The following TTC28 variants were observed in gnomAD, a reference collection of about 807,000 sequenced individuals.
TTC28 encodes the protein tetratricopeptide repeat protein 28.
Under a neutral mutation model 198.0 loss-of-function variants are expected in TTC28, and 61 were observed. That is an observed-to-expected ratio of 0.31 (90% confidence interval 0.25 to 0.38). TTC28 has a LOEUF of 0.38. Ranked by LOEUF, TTC28 falls within the 10% of genes least tolerant of loss-of-function variation. The pLI, the probability that TTC28 is intolerant of heterozygous loss-of-function variation, is 1.00. For synonymous variants in TTC28, 1,171 were observed against 1,297.8 expected, an observed-to-expected ratio of 0.90 and a Z score of 2.10; for missense variants, 2,678 against 3,164.0, an observed-to-expected ratio of 0.85 and a Z score of 3.69.
chr22:28,505,366 G>GT (rs1388385625), intron 2 of TTC28, among the ~76,000 whole-genome samples: 2 of 152,122 alleles, frequency 1.3e-5, no homozygotes, highest in Non-Finnish European at 2.9e-5. Flanking sequence ...AAAGTGGCGA[G>GT]TGAGTTCAGC....
chr22:28,395,578 G>C (rs2046801593), intron 2 of TTC28, among the ~76,000 whole-genome samples: 1 of 145,034 alleles, frequency 6.9e-6, no homozygotes, highest in African/African-American at 2.6e-5. Context: ...CTTGCAGTGA[G>C]CACTCCAGCC....
chr22:28,080,644 A>C (rs946153766), intron 12 of TTC28, among the ~76,000 whole-genome samples: 1 of 152,112 alleles, frequency 6.6e-6, no homozygotes, highest in Non-Finnish European at 1.5e-5. Context: ...GCCTTTTCAA[A>C]ATGTTAATTA....
intron 5 of TTC28, among the ~76,000 whole-genome samples, chr22:28,183,884 G>A (rs1428784129): frequency 1.3e-5 from 2 of 152,098 alleles, no homozygotes; most frequent in Non-Finnish European, 2.9e-5. Flanking sequence ...ATAGTACTAT[G>A]CTCTTTAAAA....
At chr22:28,047,185 C>T (rs1419838216) in intron 12 of TTC28, among the ~76,000 whole-genome samples, 1 of 152,174 alleles carries the variant, frequency 6.6e-6, no homozygotes, top group Non-Finnish European at 1.5e-5. Flanking sequence ...ACAGGGGATA[C>T]CACTCAGAGA....
Position 27,999,074 on chromosome 22 carries a change from T to A in TTC28, c.4585A>T (p.Thr1529Ser). The change falls in exon 16 of 23, where the codon ACC becomes TCC. Residue 1529 changes from threonine to serine, a missense_variant. Thr to Ser is a moderately conservative substitution (Grantham distance 58). Transcript: ENST00000397906. ...AGGGCACTCATGACCCTCTCCTTGG[T>A]GGCCACACTGCCCACTAGGGGCTGG... ...GCQPLVGSVA[T>S]KERVMSALTQ... 6.4e-7 allele frequency: 1 copy of A among 1,550,500 alleles called. No homozygotes were observed. The highest frequency in any genetic ancestry group is 8.7e-7 in the Non-Finnish European group (1 of 1,146,988).
intron 2 of TTC28, among the ~76,000 whole-genome samples, chr22:28,425,634 C>T (rs2047338763): frequency 6.6e-6 from 1 of 152,112 alleles, no homozygotes; most frequent in African/African-American, 2.4e-5. Flanking sequence ...GATCAAACTG[C>T]AATAATTGCT....
chr22:28,048,368 G>C (rs1335849438), intron 12 of TTC28, among the ~76,000 whole-genome samples: 1 of 152,092 alleles, frequency 6.6e-6, no homozygotes, highest in African/African-American at 2.4e-5. Flanking sequence ...CTAATGCAGA[G>C]AGTCACAGAG....
intron 2 of TTC28, among the ~76,000 whole-genome samples, chr22:28,529,696 G>A (rs376659014): frequency 1.3e-5 from 2 of 152,164 alleles, no homozygotes; most frequent in South Asian, 4.1e-4. Flanking sequence ...GTGCCCCTAC[G>A]AGACGAAGCT....
At chr22:28,337,174 A>T (rs111853565) in intron 2 of TTC28, among the ~76,000 whole-genome samples, 136 of 152,194 alleles carry the variant, frequency 8.9e-4, no homozygotes, top group African/African-American at 3.1e-3. Context: ...TAATCCTGAG[A>T]TCTAGTTTGA....
rs1259489012 is a variant in TTC28 at position 27,983,597 on chromosome 22, C to T, written c.6070G>A (p.Asp2024Asn). The change falls in exon 23 of 23, where the codon GAC becomes AAC. Residue 2024 changes from aspartate to asparagine, a missense_variant. Coordinates refer to ENST00000397906, the MANE Select transcript of TTC28 (RefSeq NM_001145418.2). ...TGCAGGTAAGCGTTCTTGGACCGGT[C>T]ATGGTCCTGCCGTCCTCCGGGGCCT... ...GGGPGGRQDHDRSKNAYLQRS... is the reference protein window; with the variant it reads ...GGGPGGRQDHNRSKNAYLQRS... 2 of 1,548,692 alleles carry T rather than the reference C, an allele frequency of 1.3e-6. No individual in the cohort carries two copies. Among genetic ancestry groups the T allele is most frequent in the Non-Finnish European group, 1.7e-6 (2 of 1,145,780 alleles).
At chr22:28,108,465 A>G in intron 6 of TTC28, 62 bp from the exon 7 acceptor site, 1 of 1,333,596 alleles carries the variant, frequency 7.5e-7, no homozygotes, top group Middle Eastern at 2.0e-4. Flanking sequence ...TGTAGAAAGA[A>G]ATGTAATTTG....
chr22:28,384,796 C>T (rs1282753002), intron 2 of TTC28, among the ~76,000 whole-genome samples: 2 of 152,134 alleles, frequency 1.3e-5, no homozygotes, highest in East Asian at 3.9e-4. Flanking sequence ...ACTTTCTGTA[C>T]CCAAACTTTG....
At chr22:28,528,749 A>AG (rs1252852670) in intron 2 of TTC28, among the ~76,000 whole-genome samples, 1 of 151,562 alleles carries the variant, frequency 6.6e-6, no homozygotes, top group Non-Finnish European at 1.5e-5. Flanking sequence ...AAAAAAAAAA[A>AG]AAAAAAAGGA....
intron 1 of TTC28, among the ~76,000 whole-genome samples, chr22:28,649,142 A>G (rs1458244721): frequency 6.6e-6 from 1 of 152,182 alleles, no homozygotes. Flanking sequence ...TCTCACTTAT[A>G]AATGGGAGCT....
intron 2 of TTC28, among the ~76,000 whole-genome samples, chr22:28,443,332 A>C (rs2047653877): frequency 6.6e-6 from 1 of 152,232 alleles, no homozygotes; most frequent in South Asian, 2.1e-4. Flanking sequence ...CCTCTTCTCA[A>C]AAAAGATTAG....
chr22:28,047,043 G>A (rs1031513915), intron 12 of TTC28, among the ~76,000 whole-genome samples: 5 of 152,176 alleles, frequency 3.3e-5, no homozygotes, highest in African/African-American at 1.2e-4. Flanking sequence ...AGAAGGGAAT[G>A]AGGAAACTGG....
chr22:28,032,435 G>A (rs1230730634), intron 12 of TTC28, among the ~76,000 whole-genome samples: 1 of 151,098 alleles, frequency 6.6e-6, no homozygotes, highest in Non-Finnish European at 1.5e-5. Flanking sequence ...TTTCTCCCCA[G>A]CCTTCATAGT....
At chr22:27,987,968 T>C (rs1361802565) in intron 21 of TTC28, among the ~76,000 whole-genome samples, 2 of 152,118 alleles carry the variant, frequency 1.3e-5, no homozygotes, top group Admixed American at 6.5e-5. Flanking sequence ...ATCCCAGCAC[T>C]TTGGGAGGCT....
intron 2 of TTC28, among the ~76,000 whole-genome samples, chr22:28,612,664 T>G (rs1055946390): frequency 1.3e-5 from 2 of 152,102 alleles, no homozygotes; most frequent in African/African-American, 4.8e-5. Flanking sequence ...AAATTAGAAC[T>G]CAGGATTAAG....
Sources: gnomAD v4.1 joint callset for allele counts (sites outside exome capture counted in the v4.1 genomes callset) on GRCh38, gnomAD v4.1.1 for gene constraint, MANE v1.5 for transcripts, NCBI Gene and HGNC (gene_info 2026-07-23, HGNC 2026-07-21) for gene names.